Variants in SUGCT observed in about 807,000 individuals in gnomAD.
SUGCT encodes the protein succinyl-CoA:glutarate-CoA transferase.
SUGCT carries 41 observed loss-of-function variants against 55.0 expected under a neutral mutation model. The ratio of observed to expected loss-of-function variants is 0.74; its 90% CI spans 0.58 to 0.97. SUGCT has a LOEUF of 0.97. SUGCT is among the 50% of genes least tolerant of loss of function. The probability of loss-of-function intolerance (pLI) is 0.00; values close to 1 mark genes in which losing one functional copy is unlikely to be tolerated. For synonymous variants in SUGCT, 187 were observed against 200.4 expected, an observed-to-expected ratio of 0.93 and a Z score of 0.56; for missense variants, 568 against 547.8, an observed-to-expected ratio of 1.04 and a Z score of -0.37.
chr7:40,371,380 T>C (rs961962464), intron 9 of SUGCT, among the ~76,000 whole-genome samples: 1 of 152,134 alleles, frequency 6.6e-6, no homozygotes. Flanking sequence ...CCCATGGTAA[T>C]TGGTGGTGTC....
At chr7:40,341,128 A>G (rs1797020661) in intron 9 of SUGCT, among the ~76,000 whole-genome samples, 1 of 152,208 alleles carries the variant, frequency 6.6e-6, no homozygotes, top group African/African-American at 2.4e-5. Context: ...TTACATTCTA[A>G]TGAAACCTAC....
chr7:40,759,239 G>C (rs1788416702), intron 13 of SUGCT, among the ~76,000 whole-genome samples: 1 of 152,122 alleles, frequency 6.6e-6, no homozygotes, highest in Admixed American at 6.6e-5. Context: ...AATGGGATTA[G>C]TCTTTTCATC....
intron 12 of SUGCT, among the ~76,000 whole-genome samples, chr7:40,550,317 A>T (rs1795233938): frequency 6.6e-6 from 1 of 152,152 alleles, no homozygotes; most frequent in Non-Finnish European, 1.5e-5. Flanking sequence ...GACTATTTGT[A>T]TTGTGTTCAG....
chr7:40,227,894 A>G (rs1267692296), intron 6 of SUGCT, among the ~76,000 whole-genome samples: 3 of 149,956 alleles, frequency 2.0e-5, no homozygotes, highest in African/African-American at 7.4e-5. Context: ...TTATTTATTT[A>G]TTTTTGAGAT....
chr7:40,668,734 G>A (rs139572930), intron 12 of SUGCT, among the ~76,000 whole-genome samples: 1 of 152,058 alleles, frequency 6.6e-6, no homozygotes, highest in Non-Finnish European at 1.5e-5. Context: ...ACCCTAATAG[G>A]CCATGGACAA....
chr7:40,849,472 C>T (rs934049973), intron 13 of SUGCT, among the ~76,000 whole-genome samples: 1 of 151,656 alleles, frequency 6.6e-6, no homozygotes, highest in Admixed American at 6.6e-5. Flanking sequence ...CTGTTTAGGT[C>T]CCTTCCCTCA....
At chr7:40,645,836 A>G (rs1266780106) in intron 12 of SUGCT, among the ~76,000 whole-genome samples, 1 of 152,130 alleles carries the variant, frequency 6.6e-6, no homozygotes, top group East Asian at 1.9e-4. Context: ...CTCAGGCTCT[A>G]TTCGCAGTGG....
At position 40,446,026 on chromosome 7, in the gene SUGCT, T is replaced by C. The variant is rs1432612915; in HGVS notation, c.817-3261T>C. Among the ~76,000 whole-genome samples, 8 of 152,074 alleles carry C rather than the reference T, an allele frequency of 5.3e-5. No homozygotes were observed. In the South Asian group the frequency reaches 1.7e-3, roughly 32 times the overall value. On this transcript the variant is annotated intron_variant, in intron 9 of 13. Transcript: ENST00000335693. ...AAGGGTACAGATGAAGAGATGTGTA[T>C]TGTAAGGTATAGGGAGGGGTATGGA...
At chr7:40,189,620 C>A in intron 5 of SUGCT, 26 bp downstream of exon 5, 1 of 1,317,104 alleles carries the variant, frequency 7.6e-7, no homozygotes, top group East Asian at 2.8e-5. Flanking sequence ...TAGAAAGCAT[C>A]CTACCACCTA....
intron 13 of SUGCT, among the ~76,000 whole-genome samples, chr7:40,752,382 G>A (rs1275376097): frequency 2.0e-5 from 3 of 152,140 alleles, no homozygotes; most frequent in Non-Finnish European, 2.9e-5. Flanking sequence ...TTGAGACAGA[G>A]TCTCACTCTG....
At chr7:40,223,689 C>G (rs1435838069) in intron 6 of SUGCT, among the ~76,000 whole-genome samples, 2 of 152,180 alleles carry the variant, frequency 1.3e-5, no homozygotes, top group East Asian at 3.8e-4. Flanking sequence ...ATTGCTCTCA[C>G]TTTGGGCAGT....
intron 9 of SUGCT, among the ~76,000 whole-genome samples, chr7:40,438,456 C>T (rs114716051): frequency 2.6e-3 from 395 of 152,218 alleles, no homozygotes; most frequent in Middle Eastern, 0.017. Context: ...TCACGATGAG[C>T]GTATGATGAA....
intron 9 of SUGCT, among the ~76,000 whole-genome samples, chr7:40,361,390 T>C (rs1798145666): frequency 6.6e-6 from 1 of 151,888 alleles, no homozygotes; most frequent in South Asian, 2.1e-4. Flanking sequence ...CTGGCTAACA[T>C]GGTGAACTCC....
chr7:40,189,242 T>C (rs1785733559), intron 4 of SUGCT, among the ~76,000 whole-genome samples: 1 of 152,068 alleles, frequency 6.6e-6, no homozygotes, highest in Non-Finnish European at 1.5e-5. Context: ...CTTGGGAGGC[T>C]GAGGCATGTG....
intron 12 of SUGCT, among the ~76,000 whole-genome samples, chr7:40,558,819 C>A (rs1215957833): frequency 6.6e-6 from 1 of 152,152 alleles, no homozygotes; most frequent in Non-Finnish European, 1.5e-5. Context: ...TCTAGTCTTG[C>A]ATTTTGTTAT....
intron 6 of SUGCT, among the ~76,000 whole-genome samples, chr7:40,195,678 G>A (rs1441616660): frequency 6.9e-6 from 1 of 143,948 alleles, no homozygotes; most frequent in African/African-American, 2.6e-5. Flanking sequence ...ATTAACTCTT[G>A]CATAGGTGAA....
At chr7:40,478,393 C>T (rs1014890996) in intron 11 of SUGCT, among the ~76,000 whole-genome samples, 4 of 152,042 alleles carry the variant, frequency 2.6e-5, no homozygotes, top group Admixed American at 6.6e-5. Context: ...TTAAACTTCA[C>T]GAAACTTGCG....
intron 6 of SUGCT, among the ~76,000 whole-genome samples, chr7:40,210,668 T>A (rs969809885): frequency 1.3e-5 from 2 of 151,822 alleles, no homozygotes; most frequent in African/African-American, 4.8e-5. Flanking sequence ...GGGGAAGGGG[T>A]TCTTATTCCT....
the SUGCT span, among the ~76,000 whole-genome samples, chr7:40,938,824 T>TC: frequency 1.3e-5 from 2 of 152,148 alleles, no homozygotes. Flanking sequence ...TCCAATTCCA[T>TC]CCAAGTTCCT....
Sources: gnomAD v4.1 joint callset for allele counts (sites outside exome capture counted in the v4.1 genomes callset) on GRCh38, gnomAD v4.1.1 for gene constraint, MANE v1.5 for transcripts, NCBI Gene and HGNC (gene_info 2026-07-23, HGNC 2026-07-21) for gene names.